Variants in PKP4 observed in about 807,000 individuals in gnomAD.
The protein encoded by PKP4 is plakophilin-4.
Under a neutral mutation model 145.1 loss-of-function variants are expected in PKP4, and 90 were observed. That is an observed-to-expected ratio of 0.62 (90% CI 0.52 to 0.74). The LOEUF (loss-of-function observed/expected upper bound fraction) is 0.74. Among genes scored for constraint, PKP4 ranks in the 30% least tolerant of loss-of-function variants. The probability of loss-of-function intolerance (pLI) is 0.00; values close to 1 mark genes in which losing one functional copy is unlikely to be tolerated. For synonymous variants in PKP4, 563 were observed against 577.2 expected, an observed-to-expected ratio of 0.98 and a Z score of 0.35; for missense variants, 1,340 against 1,482.7, an observed-to-expected ratio of 0.90 and a Z score of 1.58.
rs188148889 is a variant in PKP4, at chr2:158,572,977, A to G, written c.133-4294A>G. 2.4e-3 allele frequency among the ~76,000 whole-genome samples: 372 copies of G among 152,308 alleles called. 1 individual carries two copies. Among genetic ancestry groups the G allele is most frequent in the Non-Finnish European group, 3.9e-3 (264 of 68,024 alleles). On this transcript the variant is annotated intron_variant, in intron 2 of 21. Coordinates refer to ENST00000389759, the MANE Select transcript of PKP4 (RefSeq NM_003628.6). The stretch of plus-strand genomic sequence containing the variant: ...ATCAAGCAAAACTGAAGATGTGTGT[A>G]CCTTTCGACCAAGCAATTCCACTTC...
At chr2:158,670,127 G>T (rs1057190440) in intron 17 of PKP4, among the ~76,000 whole-genome samples, 1 of 152,162 alleles carries the variant, frequency 6.6e-6, no homozygotes, top group Non-Finnish European at 1.5e-5. Flanking sequence ...TCACTTTATT[G>T]TAACACCCTC....
At chr2:158,501,757 G>T (rs184269591) in intron 1 of PKP4, among the ~76,000 whole-genome samples, 1 of 152,346 alleles carries the variant, frequency 6.6e-6, no homozygotes, top group East Asian at 1.9e-4. Flanking sequence ...AGTCTCTATT[G>T]TGTGCCTATT....
intron 3 of PKP4, among the ~76,000 whole-genome samples, chr2:158,585,757 T>C (rs895272077): frequency 1.3e-5 from 2 of 152,146 alleles, no homozygotes; most frequent in Non-Finnish European, 1.5e-5. Flanking sequence ...TTTTATAAAA[T>C]AACTATTTTA....
chr2:158,476,255 G>T (rs1462920824), intron 1 of PKP4, among the ~76,000 whole-genome samples: 1 of 152,186 alleles, frequency 6.6e-6, no homozygotes, highest in Non-Finnish European at 1.5e-5. Context: ...CACATGTACA[G>T]CGAAAAATGT....
At chr2:158,498,545 G>A (rs1454696514) in intron 1 of PKP4, among the ~76,000 whole-genome samples, 1 of 152,158 alleles carries the variant, frequency 6.6e-6, no homozygotes, top group Admixed American at 6.5e-5. Context: ...TTGGGCTTCA[G>A]TTTTCTCTTC....
intron 2 of PKP4, among the ~76,000 whole-genome samples, chr2:158,562,198 T>C (rs2046592356): frequency 6.6e-6 from 1 of 152,198 alleles, no homozygotes; most frequent in Non-Finnish European, 1.5e-5. Context: ...CTTTTGGGAC[T>C]TTAAAAAAAT....
At chr2:158,669,029 A>G (rs1288936841) in intron 16 of PKP4, 1 of 152,236 alleles carries the variant, frequency 6.6e-6, no homozygotes, top group East Asian at 1.9e-4. Flanking sequence ...GAAATACCTC[A>G]ATAACTGTGA....
Position 158,646,733 on chromosome 2 carries a change from G to A in PKP4, c.1909+4034G>A, listed in dbSNP as rs115066358. ...CCGTCTTTAATTGTAGCACAGGGTT[G>A]GGGGAGACCTCAGAACTCATTTTGT... On this transcript the variant is annotated intron_variant, in intron 11 of 21. Transcript: ENST00000389759. 4.8e-3 allele frequency among the ~76,000 whole-genome samples: 731 copies of A among 152,210 alleles called. 2 individuals are homozygous for A. The highest frequency in any genetic ancestry group is 0.016 in the African/African-American group (667 of 41,524).
intron 1 of PKP4, among the ~76,000 whole-genome samples, chr2:158,470,812 A>G (rs1691447889): frequency 6.6e-6 from 1 of 151,830 alleles, no homozygotes; most frequent in African/African-American, 2.4e-5. Flanking sequence ...TTCTACATGG[A>G]CCTCCCCTGA....
At chr2:158,457,828 G>T (rs1689070675) in intron 1 of PKP4, 2 of 153,210 alleles carry the variant, frequency 1.3e-5, no homozygotes, top group Admixed American at 6.5e-5. Context: ...CCTCTCTACC[G>T]GCCGCGGATC....
At chr2:158,457,633 C>G (rs1689008464) in intron 1 of PKP4, 1 of 152,660 alleles carries the variant, frequency 6.6e-6, no homozygotes, top group African/African-American at 2.4e-5. Flanking sequence ...CCAAGTCGCC[C>G]TCGACACCAC....
At chr2:158,678,878 C>T (rs547855007) in intron 21 of PKP4, 1 of 578,308 alleles carries the variant, frequency 1.7e-6, no homozygotes, top group Non-Finnish European at 3.1e-6. Context: ...ACCACCGTGC[C>T]ACTGATGGGG....
chr2:158,533,574 C>T (rs572451658), intron 2 of PKP4: 3 of 556,384 alleles, frequency 5.4e-6, no homozygotes, highest in Non-Finnish European at 1.0e-5. Flanking sequence ...CTCTGTCTCT[C>T]CCACATTGCA....
chr2:158,656,885 G>C (rs910225488), intron 11 of PKP4, among the ~76,000 whole-genome samples: 4 of 152,188 alleles, frequency 2.6e-5, no homozygotes, highest in Non-Finnish European at 5.9e-5. Context: ...ACCCAGAGAA[G>C]GCTGAGCAGG....
intron 3 of PKP4, among the ~76,000 whole-genome samples, chr2:158,590,466 A>T (rs1050780573): frequency 8.6e-5 from 13 of 151,558 alleles, no homozygotes; most frequent in African/African-American, 2.9e-4. Context: ...TCAATTAAAG[A>T]TTGATCTACT....
At chr2:158,680,316 A>T in intron 21 of PKP4, 113 bp from the exon 22 acceptor site, 2 of 803,970 alleles carry the variant, frequency 2.5e-6, no homozygotes, top group South Asian at 1.8e-5. Context: ...CTTAAACTGC[A>T]AATATTGAAT....
chr2:158,469,400 T>A (rs1298460150), intron 1 of PKP4, among the ~76,000 whole-genome samples: 4 of 152,158 alleles, frequency 2.6e-5, no homozygotes, highest in African/African-American at 7.2e-5. Context: ...AGAAAAGACA[T>A]TTTCTAAAGT....
At chr2:158,568,896 C>T (rs1199978579) in intron 2 of PKP4, among the ~76,000 whole-genome samples, 1 of 152,060 alleles carries the variant, frequency 6.6e-6, no homozygotes, top group Non-Finnish European at 1.5e-5. Flanking sequence ...TCGCTTGAAC[C>T]CCGGAGGCAG....
intron 1 of PKP4, among the ~76,000 whole-genome samples, chr2:158,506,239 G>A (rs1403637273): frequency 6.6e-6 from 1 of 152,148 alleles, no homozygotes; most frequent in East Asian, 1.9e-4. Context: ...ATGTTAAGTG[G>A]CCTTCCTCCA....
Sources: gnomAD v4.1 joint callset for allele counts (sites outside exome capture counted in the v4.1 genomes callset) on GRCh38, gnomAD v4.1.1 for gene constraint, MANE v1.5 for transcripts, NCBI Gene and HGNC (gene_info 2026-07-23, HGNC 2026-07-21) for gene names.